The following FSTL5 variants were observed in gnomAD, a reference collection of about 807,000 sequenced individuals.
The protein encoded by FSTL5 is follistatin like 5.
In FSTL5, 62 loss-of-function variants were observed where a neutral mutation model predicts 89.1. That is an observed-to-expected ratio of 0.70 (90% CI 0.57 to 0.86). FSTL5 has a LOEUF of 0.86. FSTL5 is among the 40% of genes least tolerant of loss of function. The pLI is 0.00. For synonymous variants in FSTL5, 383 were observed against 346.2 expected (o/e 1.11, Z -1.18); for missense variants, 1,057 against 1,001.6 (o/e 1.06, Z -0.75).
At chr4:161,993,958 T>A (rs933840005) in intron 3 of FSTL5, among the ~76,000 whole-genome samples, 1 of 152,102 alleles carries the variant, frequency 6.6e-6, no homozygotes, top group Non-Finnish European at 1.5e-5. Flanking sequence ...GATAAACGTG[T>A]CATGGGGGTT....
chr4:161,415,277 C>T (rs1391861183), intron 15 of FSTL5, among the ~76,000 whole-genome samples: 3 of 151,948 alleles, frequency 2.0e-5, no homozygotes, highest in African/African-American at 7.3e-5. Context: ...TTTTTTTGAG[C>T]TGGAGCTTCA....
intron 4 of FSTL5, among the ~76,000 whole-genome samples, chr4:161,876,197 T>C (rs1017860332): frequency 6.6e-6 from 1 of 152,236 alleles, no homozygotes; most frequent in Non-Finnish European, 1.5e-5. Flanking sequence ...TACAATTTAC[T>C]AAATAAATTC....
chr4:161,984,839 G>T (rs1339055835), intron 3 of FSTL5, among the ~76,000 whole-genome samples: 3 of 152,038 alleles, frequency 2.0e-5, no homozygotes, highest in South Asian at 4.1e-4. Context: ...GATCAGAATA[G>T]TTTTTTAAAA....
At chr4:161,394,430 C>A (rs62325013) in intron 15 of FSTL5, among the ~76,000 whole-genome samples, 12,291 of 152,058 alleles carry the variant, frequency 0.081, 626 homozygotes, top group Non-Finnish European at 0.12. Flanking sequence ...GGCGTGCCAC[C>A]GTGCCCGGCA....
At chr4:162,136,630 G>A (rs1732532318) in intron 1 of FSTL5, among the ~76,000 whole-genome samples, 3 of 151,920 alleles carry the variant, frequency 2.0e-5, no homozygotes, top group Admixed American at 1.3e-4. Context: ...TGTAGATATA[G>A]CCATTCATAT....
chr4:162,128,993 C>T (rs1306483005), intron 1 of FSTL5, among the ~76,000 whole-genome samples: 1 of 148,752 alleles, frequency 6.7e-6, no homozygotes, highest in Non-Finnish European at 1.5e-5. Context: ...GCCATCTGGG[C>T]GGCTCGCTGC....
chr4:161,862,003 A>C (rs2126891063), intron 4 of FSTL5, among the ~76,000 whole-genome samples: 1 of 152,312 alleles, frequency 6.6e-6, no homozygotes, highest in South Asian at 2.1e-4. Context: ...CCTCTTTGGG[A>C]GAAACTGTAA....
intron 15 of FSTL5, among the ~76,000 whole-genome samples, chr4:161,408,879 A>G (rs1172069128): frequency 1.3e-5 from 2 of 152,212 alleles, no homozygotes; most frequent in Admixed American, 1.3e-4. Flanking sequence ...AAAAAGAATT[A>G]ACAAATATGA....
chr4:161,639,790 C>A (rs1735882553), intron 7 of FSTL5, among the ~76,000 whole-genome samples: 1 of 152,096 alleles, frequency 6.6e-6, no homozygotes, highest in African/African-American at 2.4e-5. Flanking sequence ...GAAAGGGGAT[C>A]CTGTCATTGA....
intron 14 of FSTL5, among the ~76,000 whole-genome samples, 198 bp from the exon 15 acceptor site, chr4:161,455,326 T>C (rs1049181129): frequency 6.6e-6 from 1 of 152,174 alleles, no homozygotes; most frequent in East Asian, 1.9e-4. Context: ...AACTTGTTTC[T>C]ATAAAGAAAA....
intron 13 of FSTL5, among the ~76,000 whole-genome samples, chr4:161,471,140 C>G (rs1210901481): frequency 2.0e-5 from 3 of 152,194 alleles, no homozygotes; most frequent in Non-Finnish European, 4.4e-5. Context: ...AGTGGGCATC[C>G]TTGTCTTTTT....
At chr4:161,735,776 CA>C (rs1294098050) in intron 6 of FSTL5, among the ~76,000 whole-genome samples, 1 of 151,864 alleles carries the variant, frequency 6.6e-6, no homozygotes. Context: ...TACCTTTAAC[CA>C]AATGTACAGA....
chr4:161,932,141 G>T (rs1734303441), intron 3 of FSTL5, among the ~76,000 whole-genome samples: 1 of 151,706 alleles, frequency 6.6e-6, no homozygotes, highest in African/African-American at 2.4e-5. Flanking sequence ...GTTCAAGTTG[G>T]GTAAACAAAG....
intron 10 of FSTL5, among the ~76,000 whole-genome samples, chr4:161,510,853 T>G (rs913810341): frequency 6.6e-6 from 1 of 151,878 alleles, no homozygotes; most frequent in African/African-American, 2.4e-5. Context: ...TTTCACATAA[T>G]ATGAAATATT....
chr4:162,024,688 G>T (rs1200704178), intron 3 of FSTL5, among the ~76,000 whole-genome samples: 1 of 151,888 alleles, frequency 6.6e-6, no homozygotes, highest in East Asian at 1.9e-4. Flanking sequence ...TAGAGACAGG[G>T]TCACATTCTA....
chr4:161,835,993 A>C (rs1731025898), intron 4 of FSTL5, among the ~76,000 whole-genome samples: 1 of 152,140 alleles, frequency 6.6e-6, no homozygotes, highest in African/African-American at 2.4e-5. Flanking sequence ...TGCTATAAAG[A>C]CACATGCACA....
rs568186962 is a variant in FSTL5, at chr4:161,928,212, C to T, written c.161-7560G>A. ...CATTTAATGATATGGATTTAAGATTCCTCCTTGTCCATGTTTGGCTTCCTA... is the reference window on the plus strand; with the variant it reads ...CATTTAATGATATGGATTTAAGATTTCTCCTTGTCCATGTTTGGCTTCCTA... On this transcript the variant is annotated intron_variant, in intron 3 of 15. Transcript: ENST00000306100. Among the ~76,000 whole-genome samples the T allele has an allele frequency of 5.3e-5, 8 of 151,850 alleles. No individual in the cohort carries two copies. In the South Asian group the frequency reaches 1.7e-3, roughly 32 times the overall value.
chr4:161,587,023 A>G lies in FSTL5; in HGVS notation c.1015+432T>C, dbSNP rs539810236. The stretch of plus-strand genomic sequence containing the variant: ...GGAGTGATATCAGCCCACCTGGTCA[A>G]CATTCATAGGTAGACATTAAATTAA... On this transcript the variant is annotated intron_variant, in intron 8 of 15. Transcript: ENST00000306100. Among the ~76,000 whole-genome samples, 12 of 152,342 alleles carry G rather than the reference A, an allele frequency of 7.9e-5. No homozygotes were observed. In the South Asian group the frequency reaches 2.5e-3, roughly 32 times the overall value.
intron 13 of FSTL5, among the ~76,000 whole-genome samples, chr4:161,461,450 G>T: frequency 1.1e-5 from 1 of 87,550 alleles, no homozygotes; most frequent in Admixed American, 2.2e-4. Context: ...GACAGAGCAA[G>T]ACTCCGTCTC....
Sources: allele counts gnomAD v4.1 joint callset (sites outside exome capture counted in the v4.1 genomes callset), GRCh38; gene constraint gnomAD v4.1.1; transcripts MANE v1.5; gene names NCBI Gene and HGNC (gene_info 2026-07-23, HGNC 2026-07-21).